Variants in ALOX5 observed in about 807,000 individuals in gnomAD.
ALOX5 encodes the protein polyunsaturated fatty acid 5-lipoxygenase.
A neutral mutation model predicts 87.9 loss-of-function variants in ALOX5; 64 were observed. The observed-to-expected ratio is 0.73, with a 90% confidence interval of 0.60 to 0.90. ALOX5 has a LOEUF of 0.90. Among genes scored for constraint, ALOX5 ranks in the 40% least tolerant of loss-of-function variants. The pLI is 0.00. For missense variants in ALOX5, 822 were observed against 907.5 expected (o/e 0.91, Z 1.21); for synonymous variants, 388 against 355.1 (o/e 1.09, Z -1.04).
chr10:45,415,013 G>A (rs1248905115), intron 4 of ALOX5, among the ~76,000 whole-genome samples: 4 of 152,218 alleles, frequency 2.6e-5, no homozygotes, highest in Non-Finnish European at 4.4e-5. Flanking sequence ...CAACCATTGT[G>A]GAAGACAGTG....
At chr10:45,381,956 C>T (rs1839845720) in intron 1 of ALOX5, among the ~76,000 whole-genome samples, 1 of 152,222 alleles carries the variant, frequency 6.6e-6, no homozygotes, top group Non-Finnish European at 1.5e-5. Context: ...TCAGCTAGGT[C>T]TGAGAATCGG....
chr10:45,385,985 T>TAAAC (rs1839993594), intron 2 of ALOX5, among the ~76,000 whole-genome samples: 1 of 152,096 alleles, frequency 6.6e-6, no homozygotes, highest in East Asian at 1.9e-4. Flanking sequence ...GGAGGATTGT[T>TAAAC]TGAGTCTAGG....
chr10:45,400,233 C>A (rs1840651918), intron 3 of ALOX5, among the ~76,000 whole-genome samples: 1 of 152,160 alleles, frequency 6.6e-6, no homozygotes, highest in African/African-American at 2.4e-5. Flanking sequence ...TAGAAACAAC[C>A]TAAATTCCAT....
chr10:45,405,841 C>G (rs564187939), intron 3 of ALOX5, among the ~76,000 whole-genome samples: 4 of 151,954 alleles, frequency 2.6e-5, no homozygotes, highest in South Asian at 4.2e-4. Context: ...CAGGCTCAAT[C>G]CATCTTCCCA....
intron 1 of ALOX5, among the ~76,000 whole-genome samples, chr10:45,377,461 C>G (rs555307347): frequency 6.6e-6 from 1 of 152,158 alleles, no homozygotes; most frequent in Admixed American, 6.5e-5. Flanking sequence ...ACTCTGTCTT[C>G]CAGCCACCTC....
At chr10:45,389,533 A>G (rs1840131879) in intron 2 of ALOX5, among the ~76,000 whole-genome samples, 1 of 152,250 alleles carries the variant, frequency 6.6e-6, no homozygotes, top group Non-Finnish European at 1.5e-5. Context: ...ACTGGGGGCC[A>G]ATATTCAACA....
intron 1 of ALOX5, among the ~76,000 whole-genome samples, chr10:45,377,800 C>T (rs529562408): frequency 6.6e-6 from 1 of 152,232 alleles, no homozygotes; most frequent in Non-Finnish European, 1.5e-5. Context: ...TGATGAAAGA[C>T]AGATGAAAAC....
chr10:45,435,724 C>G (rs1842043933), intron 7 of ALOX5, among the ~76,000 whole-genome samples: 1 of 152,130 alleles, frequency 6.6e-6, no homozygotes, highest in Non-Finnish European at 1.5e-5. Flanking sequence ...ATATTGTGAA[C>G]AGTGCTGCAA....
At chr10:45,418,403 A>G (rs1278021931) in intron 4 of ALOX5, among the ~76,000 whole-genome samples, 2 of 152,106 alleles carry the variant, frequency 1.3e-5, no homozygotes, top group Non-Finnish European at 2.9e-5. Flanking sequence ...TTAAAATGGG[A>G]TCGCACACAT....
At chr10:45,395,758 G>T in intron 2 of ALOX5, 97 bp from the exon 3 acceptor site, 3 of 1,025,838 alleles carry the variant, frequency 2.9e-6, no homozygotes, top group South Asian at 1.3e-5. Context: ...TAAAGCACTC[G>T]GCATGGGCAG....
chr10:45,390,939 T>C (rs1311947685), intron 2 of ALOX5, among the ~76,000 whole-genome samples: 2 of 151,406 alleles, frequency 1.3e-5, no homozygotes, highest in Non-Finnish European at 2.9e-5. Flanking sequence ...ATTGATAGAC[T>C]GCTAGCAAGA....
intron 2 of ALOX5, among the ~76,000 whole-genome samples, chr10:45,386,210 A>G (rs970104432): frequency 2.6e-5 from 4 of 151,964 alleles, no homozygotes; most frequent in Admixed American, 2.6e-4. Flanking sequence ...CTGAGGCAGG[A>G]GAATGGCGTG....
chr10:45,376,850 A>G (rs1013637391), intron 1 of ALOX5, among the ~76,000 whole-genome samples: 3 of 152,188 alleles, frequency 2.0e-5, no homozygotes, highest in South Asian at 2.1e-4. Flanking sequence ...GGATTATCCT[A>G]TAAACGGTTG....
chr10:45,406,889 T>C (rs1481402978), intron 3 of ALOX5, among the ~76,000 whole-genome samples: 1 of 152,256 alleles, frequency 6.6e-6, no homozygotes, highest in Non-Finnish European at 1.5e-5. Context: ...AAACAAGTAG[T>C]GGTAGTAGTG....
Position 45,424,168 on chromosome 10 carries a change from C to T in ALOX5, c.661+21C>T, listed in dbSNP as rs41429645. On this transcript the variant is annotated intron_variant, in intron 5 of 13. Coordinates refer to ENST00000374391, the MANE Select transcript of ALOX5 (RefSeq NM_000698.5). ...TTCTGGTGAGTGTGCCTCTGGGGGC[C>T]CAAGTGGTGCTGGGGACAGGGGATG... 6.3e-3 allele frequency: 9,996 copies of T among 1,584,920 alleles called. 54 individuals carry two copies. Among genetic ancestry groups the T allele is most frequent in the Admixed American group, 0.016 (933 of 59,928 alleles).
At position 45,412,255 on chromosome 10, in the gene ALOX5, CG is replaced by C; in HGVS notation, c.497del (p.Arg166LeufsTer15). ...IDAKCHKDLP[R>X]DIQFDSEKGV... ...TGCCAAATGCCACAAGGATTTACCC[CG>C]TGATATCCAGTTTGATAGTGAAAAA... On this transcript the variant is annotated frameshift_variant, in exon 4 of 14. Coordinates refer to ENST00000374391, the MANE Select transcript of ALOX5 (RefSeq NM_000698.5). LOFTEE classifies it high-confidence loss of function. The C allele has an allele frequency of 6.2e-7, 1 of 1,614,122 alleles. No homozygotes were observed. The highest frequency in any genetic ancestry group is 8.5e-7 in the Non-Finnish European group (1 of 1,180,012).
intron 3 of ALOX5, among the ~76,000 whole-genome samples, chr10:45,406,687 C>T (rs1840898596): frequency 6.6e-6 from 1 of 152,170 alleles, no homozygotes; most frequent in African/African-American, 2.4e-5. Context: ...TTACTTGTTT[C>T]TTACATTTAC....
intron 3 of ALOX5, among the ~76,000 whole-genome samples, chr10:45,410,767 C>T (rs957330357): frequency 1.3e-5 from 2 of 152,212 alleles, no homozygotes; most frequent in Non-Finnish European, 2.9e-5. Flanking sequence ...CATTCTCCCT[C>T]CCCAAAGAAA....
At chr10:45,429,671 A>G (rs1841848343) in intron 7 of ALOX5, among the ~76,000 whole-genome samples, 1 of 152,224 alleles carries the variant, frequency 6.6e-6, no homozygotes. Context: ...ATGTATGTGG[A>G]TCACTGCAGA....
Sources: allele counts gnomAD v4.1 joint callset (sites outside exome capture counted in the v4.1 genomes callset), GRCh38; gene constraint gnomAD v4.1.1; transcripts MANE v1.5; gene names NCBI Gene and HGNC (gene_info 2026-07-23, HGNC 2026-07-21).